The following MADD variants were observed in gnomAD, a reference collection of about 807,000 sequenced individuals.
MADD encodes MAP kinase-activating death domain protein.
In MADD, 109 loss-of-function variants were observed where a neutral mutation model predicts 176.7. The ratio of observed to expected loss-of-function variants is 0.62; its 90% CI spans 0.53 to 0.72. MADD has a LOEUF of 0.72. MADD is among the 30% of genes least tolerant of loss of function. The pLI, the probability that MADD is intolerant of heterozygous loss-of-function variation, is 0.00. For missense variants in MADD, 1,914 were observed against 2,045.5 expected (o/e 0.94, Z 1.24); for synonymous variants, 771 against 771.3 (o/e 1.00, Z 0.01).
chr11:47,274,721 A>G (rs143250988), exon 3 of MADD: 1 of 1,614,210 alleles, frequency 6.2e-7, no homozygotes. Flanking sequence ...CTTCGGGATG[A>G]TACCTCTTTT....
At chr11:47,286,531 A>C in exon 15 of MADD, 1 of 1,611,668 alleles carries the variant, frequency 6.2e-7, no homozygotes, top group Non-Finnish European at 8.5e-7. Context: ...CCCCAGTCTG[A>C]AAGGTAACTA....
intron 11 of MADD, 21 bp from the exon 12 acceptor site, chr11:47,284,354 G>T: frequency 6.2e-7 from 1 of 1,614,112 alleles, no homozygotes; most frequent in South Asian, 1.1e-5. Flanking sequence ...GTCTGTACCT[G>T]CCTCCCTTGG....
chr11:47,273,701 A>G (rs2047117281), intron 1 of MADD, 126 bp from the exon 2 acceptor site: 1 of 491,598 alleles, frequency 2.0e-6, no homozygotes, highest in Non-Finnish European at 3.7e-6. Context: ...GCAAGCGTCA[A>G]GTTCTCCTAT....
intron 15 of MADD, 62 bp from the exon 16 acceptor site, chr11:47,288,906 C>A: frequency 1.7e-6 from 2 of 1,193,902 alleles, no homozygotes; most frequent in Non-Finnish European, 2.4e-6. Flanking sequence ...TACTGCTCCT[C>A]GGAGGGGTAG....
intron 6 of MADD, 132 bp downstream of exon 6, chr11:47,278,410 C>T: frequency 1.5e-6 from 1 of 674,614 alleles, no homozygotes; most frequent in South Asian, 1.9e-5. Flanking sequence ...GCGAGACTTA[C>T]TGAAACAAGT....
At chr11:47,273,751 T>C in intron 1 of MADD, 76 bp from the exon 2 acceptor site, 1 of 592,720 alleles carries the variant, frequency 1.7e-6, no homozygotes, top group East Asian at 2.8e-5. Context: ...CCTCTGCCTC[T>C]GGCCGGGAAG....
chr11:47,299,499 A>G (rs1387283853), intron 22 of MADD, among the ~76,000 whole-genome samples: 1 of 150,996 alleles, frequency 6.6e-6, no homozygotes, highest in African/African-American at 2.4e-5. Context: ...ATATAGACAC[A>G]CTACTGATTT....
chr11:47,295,017 GT>G (rs113012334), intron 20 of MADD, among the ~76,000 whole-genome samples: 14 of 146,616 alleles, frequency 9.5e-5, no homozygotes, highest in Admixed American at 1.4e-4. Flanking sequence ...TTGTTTTTTT[GT>G]TTTTTTTTTT....
At chr11:47,305,794 G>T (rs2082168761) in intron 22 of MADD, among the ~76,000 whole-genome samples, 1 of 152,154 alleles carries the variant, frequency 6.6e-6, no homozygotes, top group Non-Finnish European at 1.5e-5. Context: ...GGGAAGCAGG[G>T]TACTGGAGTT....
In MADD at chr11:47,292,523, T is replaced by C. The variant is rs377032702; in HGVS notation, c.3302-1360T>C. The C allele has an allele frequency of 1.2e-4, 191 of 1,612,716 alleles. No homozygotes were observed. Among genetic ancestry groups the C allele is most frequent in the Non-Finnish European group, 1.6e-4 (184 of 1,179,006 alleles). ...CTGACTTTCTGTCTTTCTCTCCTGC[T>C]TGCATTGCATCTGGGGTAGAATTGT... On this transcript the variant is annotated intron_variant, in intron 19 of 32. Transcript: ENST00000402192.
At chr11:47,279,418 T>C (rs1002263952) in intron 7 of MADD, among the ~76,000 whole-genome samples, 1 of 144,760 alleles carries the variant, frequency 6.9e-6, no homozygotes, top group African/African-American at 2.6e-5. Flanking sequence ...GGAGTCTTGC[T>C]CTGTCCCCTA....
At chr11:47,274,573 A>T (rs771763428) in exon 3 of MADD, 2 of 1,607,156 alleles carry the variant, frequency 1.2e-6, no homozygotes, top group African/African-American at 2.7e-5. Flanking sequence ...GCACCCGAGC[A>T]GTGATAGCGT....
chr11:47,308,989 A>G (rs1307834135), intron 23 of MADD: 3 of 1,613,950 alleles, frequency 1.9e-6, no homozygotes, highest in African/African-American at 1.3e-5. Flanking sequence ...GGAAGGGACA[A>G]AGGATCCATG....
intron 15 of MADD, among the ~76,000 whole-genome samples, chr11:47,286,772 G>C (rs1393615192): frequency 6.6e-6 from 1 of 152,198 alleles, no homozygotes; most frequent in Non-Finnish European, 1.5e-5. Flanking sequence ...TGGGATTACT[G>C]CTGCTTCGCG....
intron 10 of MADD, among the ~76,000 whole-genome samples, 173 bp downstream of exon 10, chr11:47,283,142 G>A (rs978629880): frequency 7.2e-5 from 11 of 152,330 alleles, no homozygotes; most frequent in African/African-American, 2.4e-4. Context: ...CACCCAGGCT[G>A]GAGTGCAGTG....
intron 7 of MADD, 126 bp from the exon 8 acceptor site, chr11:47,281,449 G>A: frequency 1.5e-6 from 1 of 656,330 alleles, no homozygotes; most frequent in Non-Finnish European, 2.4e-6. Context: ...ACCGTTCTTT[G>A]TTGCAGAACT....
chr11:47,288,595 A>C (rs1296963911), intron 15 of MADD, among the ~76,000 whole-genome samples: 1 of 151,776 alleles, frequency 6.6e-6, no homozygotes, highest in African/African-American at 2.4e-5. Flanking sequence ...CCCTGACCCC[A>C]CTCCCCACAA....
At chr11:47,286,753 T>C (rs2060904205) in intron 15 of MADD, among the ~76,000 whole-genome samples, 1 of 152,194 alleles carries the variant, frequency 6.6e-6, no homozygotes, top group African/African-American at 2.4e-5. Flanking sequence ...TTTAGGACAA[T>C]GGCAACTGTG....
At chr11:47,289,538 G>A in intron 16 of MADD, 45 bp downstream of exon 17, 1 of 1,528,868 alleles carries the variant, frequency 6.5e-7, no homozygotes, top group Non-Finnish European at 9.1e-7. Context: ...GGCAGAGGTG[G>A]GGTGGTTCCT....
Sources: gnomAD v4.1 joint callset for allele counts (sites outside exome capture counted in the v4.1 genomes callset) on GRCh38, gnomAD v4.1.1 for gene constraint, MANE v1.5 for transcripts, NCBI Gene and HGNC (gene_info 2026-07-23, HGNC 2026-07-21) for gene names.